PHC3: variants seen among roughly 807,000 people sequenced by gnomAD.
PHC3 encodes polyhomeotic-like protein 3.
PHC3 carries 13 observed loss-of-function variants against 107.4 expected under a neutral mutation model. That is an observed-to-expected ratio of 0.12 (90% confidence interval 0.08 to 0.19). PHC3 has a LOEUF of 0.19. PHC3 is among the 10% of genes least tolerant of loss of function. The probability of loss-of-function intolerance (pLI) is 1.00; values close to 1 mark genes in which losing one functional copy is unlikely to be tolerated. For synonymous variants in PHC3, 456 were observed against 427.4 expected (o/e 1.07, Z -0.83); for missense variants, 992 against 1,210.9 (o/e 0.82, Z 2.68).
chr3:170,148,815 T>C (rs895490831), intron 5 of PHC3: 1 of 256,386 alleles, frequency 3.9e-6, no homozygotes, highest in South Asian at 1.3e-4. Flanking sequence ...TTTCAATGAA[T>C]TTGATATTAA....
intron 1 of PHC3, among the ~76,000 whole-genome samples, chr3:170,179,667 A>G (rs1371062626): frequency 6.6e-6 from 1 of 152,194 alleles, no homozygotes; most frequent in Non-Finnish European, 1.5e-5. Flanking sequence ...TCACTTCCTC[A>G]TGTATGGACA....
rs1270562138 is a variant in PHC3, at chr3:170,094,153, A to T, written c.*3077T>A. ...CCATCAGGGAAATAATATGCTACTT[A>T]AAAAGTGACAGGAGGATTTGGGACA... On this transcript the variant is annotated 3_prime_UTR_variant, in exon 15 of 15. Transcript: ENST00000495893. 1 of 152,258 alleles carries T rather than the reference A, an allele frequency of 6.6e-6. No homozygotes were observed. Among genetic ancestry groups the T allele is most frequent in the Non-Finnish European group, 1.5e-5 (1 of 68,052 alleles). The allele number at this position is 152,258 out of a possible 1,614,324, so 9.4% of individuals were successfully genotyped here.
At chr3:170,146,875 T>C (rs1428492973) in intron 5 of PHC3, among the ~76,000 whole-genome samples, 3 of 147,994 alleles carry the variant, frequency 2.0e-5, no homozygotes, top group Non-Finnish European at 4.5e-5. Flanking sequence ...AATCTATTTT[T>C]TCTTTTTTTT....
At chr3:170,143,452 ATATAGAGGTTT>A (rs1033678347) in intron 6 of PHC3, among the ~76,000 whole-genome samples, 168 of 152,316 alleles carry the variant, frequency 1.1e-3, no homozygotes, top group African/African-American at 4.0e-3. Context: ...ATGAAATAAT[ATATAGAGGTTT>A]TATCAAAAAT....
intron 2 of PHC3, among the ~76,000 whole-genome samples, chr3:170,177,508 A>C (rs543320544): frequency 6.6e-6 from 1 of 152,112 alleles, no homozygotes; most frequent in East Asian, 1.9e-4. Context: ...CTGGGATTAC[A>C]GGTATGCATT....
At chr3:170,111,428 GGAGAAAGAAAGGAAA>G (rs1717743861) in intron 11 of PHC3, among the ~76,000 whole-genome samples, 1 of 149,884 alleles carries the variant, frequency 6.7e-6, no homozygotes, top group Admixed American at 6.7e-5. Context: ...AAAGAAGGAA[GGAGAAAGAAAGGAAA>G]GAGAAGAGAA....
intron 4 of PHC3, among the ~76,000 whole-genome samples, chr3:170,162,952 TA>T (rs998191824): frequency 6.6e-6 from 1 of 151,920 alleles, no homozygotes; most frequent in Non-Finnish European, 1.5e-5. Flanking sequence ...CCATCCTAAT[TA>T]AAATGGCATA....
intron 7 of PHC3, among the ~76,000 whole-genome samples, chr3:170,134,563 T>C (rs1010925637): frequency 1.3e-5 from 2 of 152,112 alleles, no homozygotes; most frequent in Non-Finnish European, 2.9e-5. Context: ...ATTCTAAGTA[T>C]AGTGATACCT....
chr3:170,140,964 T>C (rs1724000980), intron 6 of PHC3, among the ~76,000 whole-genome samples: 1 of 152,072 alleles, frequency 6.6e-6, no homozygotes, highest in Non-Finnish European at 1.5e-5. Flanking sequence ...GTGTGCCTGG[T>C]GGGGAGAAGG....
At chr3:170,121,557 T>G (rs576882894) in intron 9 of PHC3, among the ~76,000 whole-genome samples, 2 of 152,208 alleles carry the variant, frequency 1.3e-5, no homozygotes, top group African/African-American at 4.8e-5. Context: ...AGAGACAGAG[T>G]GTTGCTCTGT....
intron 4 of PHC3, among the ~76,000 whole-genome samples, chr3:170,153,538 C>T (rs1207715063): frequency 4.6e-5 from 7 of 151,912 alleles, no homozygotes; most frequent in African/African-American, 1.5e-4. Flanking sequence ...CCGAGGCGGG[C>T]GGATCACGAG....
At chr3:170,160,332 C>G (rs988413019) in intron 4 of PHC3, among the ~76,000 whole-genome samples, 4 of 152,246 alleles carry the variant, frequency 2.6e-5, no homozygotes, top group Non-Finnish European at 4.4e-5. Context: ...CTTCTGTTAA[C>G]TCCTATGACA....
rs751640357 is a variant in PHC3 at position 170,145,463 on chromosome 3, G to A, written c.632C>T (p.Ser211Leu). 8.7e-6 allele frequency: 14 copies of A among 1,613,498 alleles called. No homozygotes were observed. The highest frequency in any genetic ancestry group is 1.3e-5 in the African/African-American group (1 of 74,894). ...CTGACAGGAAGATGACGATGACGAC[G>A]AGACAACAGGAATGTCAGACTGTAC... is the stretch of plus-strand genomic sequence containing the variant. ...AAVQSDIPVV[S>L]SSSSSSCQSA... The change falls in exon 6 of 15, where the codon TCG becomes TTG. Residue 211 changes from serine (S) to leucine (L), a missense_variant. Physicochemically the swap from Ser to Leu is moderately radical, Grantham distance 145 (BLOSUM62 -2). Transcript: ENST00000495893.
intron 6 of PHC3, among the ~76,000 whole-genome samples, chr3:170,136,885 A>T (rs892202526): frequency 6.6e-6 from 1 of 151,986 alleles, no homozygotes; most frequent in Non-Finnish European, 1.5e-5. Context: ...AAAAGACATA[A>T]GAGAAAAGAA....
intron 7 of PHC3, among the ~76,000 whole-genome samples, chr3:170,130,245 A>G (rs1220934096): frequency 6.6e-6 from 1 of 152,196 alleles, no homozygotes; most frequent in African/African-American, 2.4e-5. Flanking sequence ...ATATATAAAG[A>G]TAACTTCAAA....
intron 11 of PHC3, among the ~76,000 whole-genome samples, chr3:170,108,745 T>C (rs1243443059): frequency 6.6e-6 from 1 of 152,166 alleles, no homozygotes; most frequent in Non-Finnish European, 1.5e-5. Flanking sequence ...GAGACAGAAC[T>C]TCTCACTCAA....
intron 10 of PHC3, among the ~76,000 whole-genome samples, chr3:170,115,421 T>A (rs1718725421): frequency 6.6e-6 from 1 of 152,148 alleles, no homozygotes. Context: ...AGTATGTATA[T>A]GTACATATAT....
chr3:170,128,515 C>CT, intron 8 of PHC3, 169 bp downstream of exon 8: 1 of 1,074,496 alleles, frequency 9.3e-7, no homozygotes, highest in Non-Finnish European at 1.3e-6. Context: ...CAAACAATGG[C>CT]ATTTTTTTTT....
chr3:170,155,764 CAAT>C (rs879579158), intron 4 of PHC3, among the ~76,000 whole-genome samples: 2 of 151,938 alleles, frequency 1.3e-5, no homozygotes, highest in Non-Finnish European at 2.9e-5. Flanking sequence ...GATATACACA[CAAT>C]AATACATACT....
Sources: gnomAD v4.1 joint callset for allele counts (sites outside exome capture counted in the v4.1 genomes callset) on GRCh38, gnomAD v4.1.1 for gene constraint, MANE v1.5 for transcripts, NCBI Gene and HGNC (gene_info 2026-07-23, HGNC 2026-07-21) for gene names.